KIAA0232: variants seen among roughly 807,000 people sequenced by gnomAD.
KIAA0232 encodes KIAA0232.
KIAA0232 carries 27 observed loss-of-function variants against 122.0 expected under a neutral mutation model. The observed-to-expected ratio is 0.22, with a 90% CI of 0.16 to 0.31. The LOEUF (loss-of-function observed/expected upper bound fraction) is 0.31, where lower values mean the gene tolerates loss of function less well. Ranked by LOEUF, KIAA0232 falls within the 10% of genes least tolerant of loss-of-function variation. The probability of loss-of-function intolerance (pLI) is 1.00; values close to 1 mark genes in which losing one functional copy is unlikely to be tolerated. For missense variants in KIAA0232, 1,551 were observed against 1,634.2 expected, an observed-to-expected ratio of 0.95 and a Z score of 0.88; for synonymous variants, 613 against 587.6, an observed-to-expected ratio of 1.04 and a Z score of -0.63.
chr4:6,811,216 A>C (rs775956043), intron 2 of KIAA0232, among the ~76,000 whole-genome samples: 1 of 152,220 alleles, frequency 6.6e-6, no homozygotes. Flanking sequence ...CTGAGTGTCC[A>C]TCAGTGAATA....
chr4:6,867,935 G>A (rs1313072982), intron 7 of KIAA0232, among the ~76,000 whole-genome samples: 1 of 152,206 alleles, frequency 6.6e-6, no homozygotes, highest in African/African-American at 2.4e-5. Context: ...GCAGTTCTGT[G>A]TCTCTTGTTT....
intron 3 of KIAA0232, among the ~76,000 whole-genome samples, chr4:6,832,691 A>T (rs1225240376): frequency 6.6e-6 from 1 of 152,268 alleles, no homozygotes; most frequent in Admixed American, 6.5e-5. Flanking sequence ...TTGGATTCCC[A>T]GCCCTTAAAA....
chr4:6,814,473 AGT>A (rs1253744440), intron 2 of KIAA0232, among the ~76,000 whole-genome samples: 4 of 152,226 alleles, frequency 2.6e-5, no homozygotes, highest in Admixed American at 6.5e-5. Context: ...TAATCCTATT[AGT>A]AACAGAACTT....
Position 6,862,002 on chromosome 4 carries a change from A to T in KIAA0232, c.1620A>T (p.Lys540Asn). ...ESRILNMIRQKSKENTDFEAE... is the reference protein window; with the variant it reads ...ESRILNMIRQNSKENTDFEAE... ...GGATTTTGAATATGATTCGACAGAA[A>T]AGCAAAGAGAACACAGATTTTGAGG... The change falls in exon 7 of 10, where the codon AAA (lysine) becomes AAT (asparagine). Residue 540 changes from lysine (K) to asparagine (N), a missense_variant. Lys to Asn is a moderately conservative substitution (Grantham distance 94). Transcript: ENST00000307659. 6.2e-7 allele frequency: 1 copy of T among 1,614,208 alleles called. No homozygotes were observed. Among genetic ancestry groups the T allele is most frequent in the Non-Finnish European group, 8.5e-7 (1 of 1,180,036 alleles).
chr4:6,871,507 GC>G, intron 7 of KIAA0232, 66 bp from the exon 8 acceptor site: 1 of 892,300 alleles, frequency 1.1e-6, no homozygotes, highest in Non-Finnish European at 1.8e-6. Flanking sequence ...AGTTAATAAT[GC>G]TTGAATATTC....
intron 2 of KIAA0232, among the ~76,000 whole-genome samples, chr4:6,818,933 GC>G (rs1718279357): frequency 6.6e-6 from 1 of 152,060 alleles, no homozygotes; most frequent in African/African-American, 2.4e-5. Context: ...TACACCTGTA[GC>G]CATCGAATCT....
chr4:6,847,332 T>TA (rs541570226), intron 4 of KIAA0232, among the ~76,000 whole-genome samples: 29 of 152,342 alleles, frequency 1.9e-4, no homozygotes, highest in Middle Eastern at 6.8e-3. Flanking sequence ...ATACTTGTGA[T>TA]ACTACACCGT....
intron 7 of KIAA0232, among the ~76,000 whole-genome samples, chr4:6,868,536 A>T (rs751872983): frequency 2.6e-5 from 4 of 152,182 alleles, no homozygotes; most frequent in Admixed American, 6.5e-5. Context: ...GCCAAGGTGC[A>T]ATTTAAGGAA....
chr4:6,836,017 A>C (rs1244050625), intron 3 of KIAA0232, among the ~76,000 whole-genome samples: 4 of 152,204 alleles, frequency 2.6e-5, no homozygotes, highest in Admixed American at 2.6e-4. Context: ...TGGTATTTCT[A>C]GTTCTAGATC....
At chr4:6,788,664 G>A (rs958907908) in intron 1 of KIAA0232, among the ~76,000 whole-genome samples, 1 of 152,128 alleles carries the variant, frequency 6.6e-6, no homozygotes, top group Non-Finnish European at 1.5e-5. Flanking sequence ...CTTTTACATA[G>A]TACTCATTTG....
At chr4:6,878,606 A>G (rs1230601297) in intron 9 of KIAA0232, among the ~76,000 whole-genome samples, 1 of 152,092 alleles carries the variant, frequency 6.6e-6, no homozygotes, top group Non-Finnish European at 1.5e-5. Context: ...ACCTTCTTCT[A>G]CTACCCATTC....
At chr4:6,824,156 A>G (rs1046009075) in intron 2 of KIAA0232, 29 bp from the exon 3 acceptor site, 11 of 495,490 alleles carry the variant, frequency 2.2e-5, no homozygotes, top group African/African-American at 1.3e-4. Flanking sequence ...TATATAATGC[A>G]TACTTTTTTT....
chr4:6,817,834 A>C lies in KIAA0232; in HGVS notation c.-269-6351A>C, dbSNP rs527284551. Among the ~76,000 whole-genome samples, 44 of 152,120 alleles carry C rather than the reference A, an allele frequency of 2.9e-4. 2 individuals are homozygous for C. The South Asian group carries it at 8.6e-3, about 30-fold the overall frequency. The stretch of plus-strand genomic sequence containing the variant: ...GCAGTTCTACCAATTTTTGTTTCAT[A>C]TGTTTTGCAAGTATGCTGTTAGATG... On this transcript the variant is annotated intron_variant, in intron 2 of 9. Transcript: ENST00000307659.
At chr4:6,825,828 CCAT>C (rs897429540) in intron 3 of KIAA0232, among the ~76,000 whole-genome samples, 17 of 152,096 alleles carry the variant, frequency 1.1e-4, no homozygotes, top group African/African-American at 3.6e-4. Flanking sequence ...CAGTTTTAAA[CCAT>C]CGTTACCCAC....
intron 4 of KIAA0232, among the ~76,000 whole-genome samples, chr4:6,844,596 C>T (rs1406535419): frequency 6.6e-6 from 1 of 152,044 alleles, no homozygotes; most frequent in Non-Finnish European, 1.5e-5. Context: ...CCACCACACC[C>T]AGCTAATTTT....
chr4:6,880,753 CT>C (rs1246709365), intron 9 of KIAA0232, 33 bp from the exon 10 acceptor site: 2 of 1,447,406 alleles, frequency 1.4e-6, no homozygotes, highest in African/African-American at 1.4e-5. Context: ...AAAAAAAAGT[CT>C]TTTTGATGTG....
chr4:6,829,949 A>G (rs1021810866), intron 3 of KIAA0232, among the ~76,000 whole-genome samples: 1 of 152,190 alleles, frequency 6.6e-6, no homozygotes, highest in Non-Finnish European at 1.5e-5. Context: ...TTTCCTTTAT[A>G]GCTAATTAAA....
In KIAA0232 at chr4:6,805,539, C is replaced by T. The variant is rs146115547; in HGVS notation, c.-270+933C>T. On this transcript the variant is annotated intron_variant, in intron 2 of 9. Transcript: ENST00000307659. ...TAAAAATGTTAACTCACTGTCTTACCAGTGAGTTACAGAATTTTATGCTAC... is the reference window on the plus strand; with the variant it reads ...TAAAAATGTTAACTCACTGTCTTACTAGTGAGTTACAGAATTTTATGCTAC... Among the ~76,000 whole-genome samples, 206 of 152,216 alleles carry T rather than the reference C, an allele frequency of 1.4e-3. 1 individual carries two copies. The highest frequency in any genetic ancestry group is 4.7e-3 in the African/African-American group (195 of 41,556).
intron 2 of KIAA0232, among the ~76,000 whole-genome samples, chr4:6,805,461 C>T (rs1031277969): frequency 1.2e-4 from 18 of 152,162 alleles, no homozygotes; most frequent in South Asian, 4.1e-4. Context: ...TACCTAAGTC[C>T]GTTTTGGAGA....
Sources: allele counts gnomAD v4.1 joint callset (sites outside exome capture counted in the v4.1 genomes callset), GRCh38; gene constraint gnomAD v4.1.1; transcripts MANE v1.5; gene names NCBI Gene and HGNC (gene_info 2026-07-23, HGNC 2026-07-21).